SYT1: variants seen among roughly 807,000 people sequenced by gnomAD.
The protein encoded by SYT1 is synaptotagmin 1.
Under a neutral mutation model 44.8 loss-of-function variants are expected in SYT1, and 8 were observed. The ratio of observed to expected loss-of-function variants is 0.18; its 90% CI spans 0.10 to 0.32. SYT1 has a LOEUF of 0.32. Among genes scored for constraint, SYT1 ranks in the 10% least tolerant of loss-of-function variants. The probability of loss-of-function intolerance (pLI) is 1.00; values close to 1 mark genes in which losing one functional copy is unlikely to be tolerated. For synonymous variants in SYT1, 154 were observed against 188.8 expected (o/e 0.82, Z 1.51); for missense variants, 286 against 509.3 (o/e 0.56, Z 4.22).
intron 8 of SYT1, among the ~76,000 whole-genome samples, chr12:79,348,959 AAAAG>A (rs1457371274): frequency 4.7e-5 from 7 of 149,970 alleles, no homozygotes; most frequent in East Asian, 3.9e-4. Context: ...AGAAAAAAAG[AAAAG>A]AAAGAAAAAG....
intron 3 of SYT1, among the ~76,000 whole-genome samples, chr12:79,095,628 C>T (rs1207781146): frequency 2.6e-5 from 4 of 151,874 alleles, no homozygotes; most frequent in Non-Finnish European, 4.4e-5. Context: ...GCCACTCTTA[C>T]TCAACTGGGC....
intron 3 of SYT1, among the ~76,000 whole-genome samples, chr12:79,151,518 A>T (rs1012337208): frequency 2.6e-5 from 4 of 152,196 alleles, no homozygotes; most frequent in African/African-American, 9.7e-5. Context: ...AGAGTCGGCC[A>T]TTAATGGTTT....
intron 6 of SYT1, among the ~76,000 whole-genome samples, chr12:79,293,323 CAA>C (rs1879688181): frequency 7.5e-6 from 1 of 133,620 alleles, no homozygotes; most frequent in African/African-American, 2.8e-5. Context: ...GACTCCATCT[CAA>C]AAAATAAAAT....
intron 9 of SYT1, among the ~76,000 whole-genome samples, chr12:79,399,303 TTTTG>T (rs1177665204): frequency 2.6e-5 from 4 of 151,890 alleles, no homozygotes; most frequent in African/African-American, 9.7e-5. Context: ...TTTTTTTTTT[TTTTG>T]CCTTTCAAAA....
At position 79,450,590 on chromosome 12, in the gene SYT1, G is replaced by C. The variant is rs1348834350; in HGVS notation, c.*1466G>C. 2.6e-5 allele frequency: 4 copies of C among 152,618 alleles called. No individual in the cohort carries two copies. The highest frequency in any genetic ancestry group is 4.8e-5 in the African/African-American group (2 of 41,432). The allele number at this position is 152,618 out of a possible 1,614,324, so 9.5% of individuals were successfully genotyped here. Reference sequence around the variant, plus strand: ...GACTGCTCTGTGTAACACTGTGACTGCCGTGTGTGCTTAGACCCGTAGTTT... The same window carrying C: ...GACTGCTCTGTGTAACACTGTGACTCCCGTGTGTGCTTAGACCCGTAGTTT... On this transcript the variant is annotated 3_prime_UTR_variant, in exon 11 of 11. Transcript: ENST00000261205.
chr12:79,227,281 T>C (rs1264625312), intron 4 of SYT1, among the ~76,000 whole-genome samples: 1 of 152,186 alleles, frequency 6.6e-6, no homozygotes, highest in East Asian at 1.9e-4. Context: ...CATTTTTATC[T>C]TTCAATTCAT....
chr12:78,883,764 C>A (rs1265478294), intron 1 of SYT1, among the ~76,000 whole-genome samples: 1 of 151,544 alleles, frequency 6.6e-6, no homozygotes, highest in Non-Finnish European at 1.5e-5. Flanking sequence ...TTTCTTCTTT[C>A]TCTATTTTTA....
At chr12:79,040,542 G>T (rs1873477613) in intron 2 of SYT1, among the ~76,000 whole-genome samples, 1 of 152,076 alleles carries the variant, frequency 6.6e-6, no homozygotes, top group Admixed American at 6.5e-5. Context: ...CAGATGAGCA[G>T]GTTGCAAAAA....
chr12:79,130,789 G>A (rs2138175952), intron 3 of SYT1, among the ~76,000 whole-genome samples: 1 of 152,258 alleles, frequency 6.6e-6, no homozygotes, highest in Non-Finnish European at 1.5e-5. Flanking sequence ...TGAACCAGGA[G>A]TCTCATGTCT....
intron 9 of SYT1, among the ~76,000 whole-genome samples, chr12:79,388,239 A>G (rs1884514683): frequency 1.3e-5 from 2 of 152,192 alleles, no homozygotes; most frequent in Non-Finnish European, 2.9e-5. Flanking sequence ...GTAGCCTTAC[A>G]ATAGTTTTCT....
At chr12:79,112,072 A>G (rs542927345) in intron 3 of SYT1, among the ~76,000 whole-genome samples, 1 of 152,050 alleles carries the variant, frequency 6.6e-6, no homozygotes, top group South Asian at 2.1e-4. Context: ...CAAGAAAGAC[A>G]TGGTATAAGA....
At chr12:79,426,073 T>C (rs1869428184) in intron 9 of SYT1, among the ~76,000 whole-genome samples, 3 of 151,594 alleles carry the variant, frequency 2.0e-5, no homozygotes, top group Non-Finnish European at 4.4e-5. Flanking sequence ...CATCCAGCAC[T>C]GTTTGATTAA....
chr12:78,966,657 G>C (rs1192266934), intron 1 of SYT1, among the ~76,000 whole-genome samples: 2 of 152,124 alleles, frequency 1.3e-5, no homozygotes, highest in African/African-American at 4.8e-5. Context: ...TACTTACAGT[G>C]CCTCAGCCTG....
At chr12:79,004,458 A>G (rs980087952) in intron 2 of SYT1, among the ~76,000 whole-genome samples, 1 of 151,990 alleles carries the variant, frequency 6.6e-6, no homozygotes, top group African/African-American at 2.4e-5. Flanking sequence ...CTTTAGTTGC[A>G]TAAGTAATTG....
intron 4 of SYT1, among the ~76,000 whole-genome samples, chr12:79,274,458 G>A (rs1386470116): frequency 6.6e-6 from 1 of 152,172 alleles, no homozygotes; most frequent in African/African-American, 2.4e-5. Flanking sequence ...TGTGCAGACT[G>A]TTTTGTGCAG....
At chr12:79,059,576 A>G (rs1482259015) in intron 3 of SYT1, among the ~76,000 whole-genome samples, 1 of 152,096 alleles carries the variant, frequency 6.6e-6, no homozygotes, top group Non-Finnish European at 1.5e-5. Context: ...TTTTTTTATC[A>G]TAACTCTGGA....
At chr12:79,311,818 T>A (rs1880813222) in intron 8 of SYT1, among the ~76,000 whole-genome samples, 1 of 135,924 alleles carries the variant, frequency 7.4e-6, no homozygotes, top group East Asian at 2.3e-4. Flanking sequence ...AATTGAACAA[T>A]GAGAACACAT....
rs1475127130 is a variant in SYT1 at position 79,444,189 on chromosome 12, C to A, written c.1045C>A (p.Pro349Thr). 1 of 1,612,866 alleles carries A rather than the reference C, an allele frequency of 6.2e-7. No individual in the cohort carries two copies. The highest frequency in any genetic ancestry group is 8.5e-7 in the Non-Finnish European group (1 of 1,179,372). ...CAATGAGTCATTCAGCTTTGAAGTA[C>A]CTTTTGAACAAATCCAGGTAATGTC... ...YYNESFSFEV[P>T]FEQIQKVQVV... Residue 349 changes from proline (P) to threonine (T), a missense_variant, in exon 10 of 11, where the codon CCT (proline) becomes ACT (threonine). This residue lies in a region of SYT1 where 14 missense variants were observed against 16.2 expected (regional missense o/e 0.86). Transcript: ENST00000261205.
chr12:79,061,181 G>C (rs912960161), intron 3 of SYT1, among the ~76,000 whole-genome samples: 1 of 152,056 alleles, frequency 6.6e-6, no homozygotes, highest in Non-Finnish European at 1.5e-5. Flanking sequence ...GAATATTCTT[G>C]TTCAAGAATT....
Sources: gnomAD v4.1 joint callset for allele counts (sites outside exome capture counted in the v4.1 genomes callset) on GRCh38, gnomAD v4.1.1 for gene constraint, gnomAD v4.1.1 regional missense constraint, MANE v1.5 for transcripts, NCBI Gene and HGNC (gene_info 2026-07-23, HGNC 2026-07-21) for gene names.